Variants in MEMO1 observed in about 807,000 individuals in gnomAD.
MEMO1 encodes the protein protein MEMO1.
In MEMO1, 6 loss-of-function variants were observed where a neutral mutation model predicts 45.2. The ratio of observed to expected loss-of-function variants is 0.13; its 90% CI spans 0.07 to 0.26. The LOEUF is 0.26. MEMO1 is among the 10% of genes least tolerant of loss of function. The pLI, the probability that MEMO1 is intolerant of heterozygous loss-of-function variation, is 1.00. For synonymous variants in MEMO1, 78 were observed against 124.3 expected (o/e 0.63, Z 2.48); for missense variants, 184 against 370.5 (o/e 0.50, Z 4.13).
At position 31,932,078 on chromosome 2, in the gene MEMO1, A is replaced by C. The variant is rs1216947400; in HGVS notation, c.201T>G (p.Asp67Glu). 1 of 1,613,288 alleles carries C rather than the reference A, an allele frequency of 6.2e-7. No homozygotes were observed. The highest frequency in any genetic ancestry group is 1.3e-5 in the African/African-American group (1 of 74,930). The change falls in exon 4 of 10, where the codon GAT becomes GAG. Residue 67 changes from aspartate (D) to glutamate (E), a missense_variant. Transcript: ENST00000404530. ...ACTACATTACTTACGTAATAGACGGATCCACTTGTTTATAAGCATGGGCAG... is the reference window on the plus strand; with the variant it reads ...ACTACATTACTTACGTAATAGACGGCTCCACTTGTTTATAAGCATGGGCAG... Reference protein sequence around the residue: ...SCAAHAYKQVDPSITRRIFIL... With the variant: ...SCAAHAYKQVEPSITRRIFIL...
chr2:31,930,536 T>C (rs1365895904), intron 4 of MEMO1, among the ~76,000 whole-genome samples: 1 of 152,152 alleles, frequency 6.6e-6, no homozygotes, highest in African/African-American at 2.4e-5. Flanking sequence ...GTTTTATCAA[T>C]AAAACTTCTG....
At chr2:31,945,916 A>G (rs1572767023) in intron 2 of MEMO1, among the ~76,000 whole-genome samples, 1 of 152,324 alleles carries the variant, frequency 6.6e-6, no homozygotes, top group Admixed American at 6.5e-5. Context: ...ACTATTTACT[A>G]TTTATCTTGA....
intron 2 of MEMO1, among the ~76,000 whole-genome samples, chr2:31,986,513 A>G (rs1671282141): frequency 1.3e-5 from 2 of 152,144 alleles, no homozygotes; most frequent in South Asian, 4.1e-4. Context: ...ACCTTCACTC[A>G]TTATTTATTG....
intron 2 of MEMO1, among the ~76,000 whole-genome samples, chr2:31,994,252 C>T (rs1018910727): frequency 6.6e-6 from 1 of 151,612 alleles, no homozygotes; most frequent in Middle Eastern, 3.2e-3. Context: ...TCAGCCACCA[C>T]ACCCGGCCAC....
chr2:32,001,286 G>C (rs189849358), intron 2 of MEMO1, among the ~76,000 whole-genome samples: 1 of 151,416 alleles, frequency 6.6e-6, no homozygotes, highest in Non-Finnish European at 1.5e-5. Flanking sequence ...TGATCCGCCC[G>C]CCTCGGCCTC....
intron 6 of MEMO1, 102 bp from the exon 7 acceptor site, chr2:31,892,236 A>T: frequency 1.0e-6 from 1 of 989,686 alleles, no homozygotes; most frequent in Non-Finnish European, 1.5e-6. Context: ...TAATAGTGGT[A>T]AGGATAACAT....
intron 2 of MEMO1, among the ~76,000 whole-genome samples, chr2:31,981,629 G>A (rs1325166089): frequency 6.6e-6 from 1 of 152,158 alleles, no homozygotes; most frequent in Non-Finnish European, 1.5e-5. Context: ...CAACATTTTA[G>A]TTAATACAAG....
At chr2:31,906,616 C>A (rs1464873936) in intron 6 of MEMO1, among the ~76,000 whole-genome samples, 3 of 152,172 alleles carry the variant, frequency 2.0e-5, no homozygotes, top group African/African-American at 7.2e-5. Context: ...AGCCATCGCA[C>A]CCAGCCTAGG....
chr2:31,918,681 C>G, intron 5 of MEMO1, among the ~76,000 whole-genome samples: 1 of 152,142 alleles, frequency 6.6e-6, no homozygotes, highest in African/African-American at 2.4e-5. Flanking sequence ...GTAATTCAGG[C>G]CTTTCTGATG....
chr2:31,872,631 G>C (rs995633957), intron 8 of MEMO1, among the ~76,000 whole-genome samples: 1 of 152,164 alleles, frequency 6.6e-6, no homozygotes, highest in Admixed American at 6.5e-5. Flanking sequence ...ACTAAGTAAA[G>C]AGTTAAAAAT....
chr2:31,907,426 A>G lies in MEMO1; in HGVS notation c.437+10500T>C, dbSNP rs1308207391. ...ACATCTACTATATTTGAAAAATTCA[A>G]TTTAACCAAAATTTTAAAAATCTTA... is the stretch of plus-strand genomic sequence containing the variant. On this transcript the variant is annotated intron_variant, in intron 6 of 9. Transcript: ENST00000404530. Among the ~76,000 whole-genome samples the G allele has an allele frequency of 2.0e-5, 3 of 152,328 alleles. No homozygotes were observed. In the East Asian group the frequency reaches 5.8e-4, roughly 29 times the overall value.
chr2:31,891,342 T>C (rs1237210928), intron 7 of MEMO1, among the ~76,000 whole-genome samples: 1 of 152,134 alleles, frequency 6.6e-6, no homozygotes, highest in African/African-American at 2.4e-5. Flanking sequence ...CAACGTTTAC[T>C]AAAAGAGGCA....
intron 2 of MEMO1, among the ~76,000 whole-genome samples, chr2:32,005,470 G>A (rs1166849855): frequency 1.3e-5 from 2 of 152,044 alleles, no homozygotes; most frequent in African/African-American, 4.8e-5. Flanking sequence ...GTACTGATGT[G>A]TTTCTTGAGT....
chr2:31,969,580 T>G (rs953753479), intron 2 of MEMO1, among the ~76,000 whole-genome samples: 4 of 116,696 alleles, frequency 3.4e-5, no homozygotes, highest in Admixed American at 1.0e-4. Context: ...TGGGGGTGTG[T>G]GTGTGGGTGT....
At chr2:31,919,081 A>C (rs916231522) in intron 5 of MEMO1, among the ~76,000 whole-genome samples, 4 of 152,014 alleles carry the variant, frequency 2.6e-5, no homozygotes, top group African/African-American at 9.6e-5. Flanking sequence ...ATAAGAAAGA[A>C]GAATTTTTTC....
chr2:31,881,918 G>A (rs781187581), intron 8 of MEMO1, among the ~76,000 whole-genome samples: 11 of 152,168 alleles, frequency 7.2e-5, no homozygotes, highest in Non-Finnish European at 1.6e-4. Flanking sequence ...GCTGAGGCTG[G>A]CAGATCACTT....
chr2:31,990,271 G>C (rs1486759847), intron 2 of MEMO1, among the ~76,000 whole-genome samples: 1 of 152,066 alleles, frequency 6.6e-6, no homozygotes, highest in Non-Finnish European at 1.5e-5. Context: ...AGACATTAAA[G>C]ATATTTGCAA....
At chr2:31,977,074 G>A (rs183389210) in intron 2 of MEMO1, among the ~76,000 whole-genome samples, 2 of 152,024 alleles carry the variant, frequency 1.3e-5, no homozygotes, top group East Asian at 3.8e-4. Context: ...AAAATGTTGG[G>A]AAGAAAAAGG....
At chr2:31,926,102 C>T (rs549229021) in intron 4 of MEMO1, among the ~76,000 whole-genome samples, 26 of 152,130 alleles carry the variant, frequency 1.7e-4, no homozygotes, top group Non-Finnish European at 3.1e-4. Flanking sequence ...CACGGTGGTT[C>T]ATGCCTGTAA....
Sources: gnomAD v4.1 joint callset for allele counts (sites outside exome capture counted in the v4.1 genomes callset) on GRCh38, gnomAD v4.1.1 for gene constraint, MANE v1.5 for transcripts, NCBI Gene and HGNC (gene_info 2026-07-23, HGNC 2026-07-21) for gene names.